The following ADGRV1 variants were observed in gnomAD, a reference collection of about 807,000 sequenced individuals.
ADGRV1 encodes the protein G-protein coupled receptor 98.
A neutral mutation model predicts 596.2 loss-of-function variants in ADGRV1; 359 were observed. The ratio of observed to expected loss-of-function variants is 0.60; its 90% confidence interval spans 0.55 to 0.66. The LOEUF is 0.66. Ranked by LOEUF, ADGRV1 falls within the 30% of genes least tolerant of loss-of-function variation. The pLI, the probability that ADGRV1 is intolerant of heterozygous loss-of-function variation, is 0.00. For missense variants in ADGRV1, 7,274 were observed against 7,575.6 expected (o/e 0.96, Z 1.48); for synonymous variants, 2,681 against 2,679.2 (o/e 1.00, Z -0.02).
chr5:91,095,598 A>G (rs535469819), intron 86 of ADGRV1, among the ~76,000 whole-genome samples: 1 of 152,254 alleles, frequency 6.6e-6, no homozygotes, highest in African/African-American at 2.4e-5. Context: ...CAAGGACACC[A>G]ATATTTTCTC....
rs1581250709 is a variant in ADGRV1 at position 90,828,932 on chromosome 5, TCTCA to T, written c.16369-11_16369-8del. 4 of 1,528,934 alleles carry T rather than the reference TCTCA, an allele frequency of 2.6e-6. No individual in the cohort carries two copies. The highest frequency in any genetic ancestry group is 3.5e-6 in the Non-Finnish European group (4 of 1,134,954). The allele number at this position is 1,528,934 out of a possible 1,614,324, so 94.7% of individuals were successfully genotyped here. A position where few individuals can be genotyped will look rare whatever the true frequency, so the allele number is the denominator to read the frequency against. Reference sequence around the variant, plus strand: ...GTAATAGTTGTTTTTTTTTCCTTTTTCTCATTGTCAGGTACCACAGGTTGAAGTG... The same window carrying T: ...GTAATAGTTGTTTTTTTTTCCTTTTTTTGTCAGGTACCACAGGTTGAAGTG... On this transcript the variant is annotated splice_polypyrimidine_tract_variant and splice_region_variant and intron_variant, in intron 76 of 89. Transcript: ENST00000405460.
intron 83 of ADGRV1, among the ~76,000 whole-genome samples, chr5:90,911,024 C>T (rs1341282203): frequency 6.6e-6 from 1 of 152,078 alleles, no homozygotes; most frequent in East Asian, 1.9e-4. Context: ...ATTGTATTAG[C>T]TAAGTAGTAG....
At chr5:91,086,459 G>C (rs924214869) in intron 86 of ADGRV1, among the ~76,000 whole-genome samples, 1 of 151,898 alleles carries the variant, frequency 6.6e-6, no homozygotes, top group African/African-American at 2.4e-5. Context: ...TAAAAGCTAG[G>C]GTAATTTCTT....
chr5:91,049,865 G>T (rs554801154), intron 85 of ADGRV1, among the ~76,000 whole-genome samples: 1 of 152,164 alleles, frequency 6.6e-6, no homozygotes, highest in African/African-American at 2.4e-5. Context: ...TTAGATTTTG[G>T]TATCTGCAGG....
At chr5:91,102,082 G>A (rs938601674) in intron 86 of ADGRV1, 137 bp from the exon 87 acceptor site, 10 of 754,270 alleles carry the variant, frequency 1.3e-5, no homozygotes, top group Non-Finnish European at 2.1e-5. Flanking sequence ...CTCCCCTCTG[G>A]CATAAGAATG....
chr5:90,934,206 T>C (rs1775488713), intron 83 of ADGRV1, among the ~76,000 whole-genome samples: 1 of 152,204 alleles, frequency 6.6e-6, no homozygotes, highest in African/African-American at 2.4e-5. Context: ...TGTTCTGGCC[T>C]AGCATGGGAA....
intron 83 of ADGRV1, chr5:90,899,200 G>A (rs1161780463): frequency 1.3e-5 from 2 of 152,160 alleles, no homozygotes; most frequent in Admixed American, 6.5e-5. Flanking sequence ...TGTTTGCAAA[G>A]TAAATGAAAC....
At chr5:90,617,606 C>A (rs1187596051) in intron 2 of ADGRV1, 198 bp from the exon 3 acceptor site, 2 of 465,698 alleles carry the variant, frequency 4.3e-6, no homozygotes, top group African/African-American at 2.0e-5. Context: ...CTGCGCCTGG[C>A]CTGGAATCAT....
At chr5:90,968,834 CA>C (rs1406415244) in intron 84 of ADGRV1, among the ~76,000 whole-genome samples, 1 of 152,080 alleles carries the variant, frequency 6.6e-6, no homozygotes, top group African/African-American at 2.4e-5. Context: ...GATTCTACTT[CA>C]TTTTTTTAGT....
At chr5:91,069,461 T>TA (rs757504632) in intron 85 of ADGRV1, among the ~76,000 whole-genome samples, 80 of 152,128 alleles carry the variant, frequency 5.3e-4, no homozygotes, top group Non-Finnish European at 9.9e-4. Context: ...CATGAACAGA[T>TA]ACTTCTCAAA....
intron 83 of ADGRV1, among the ~76,000 whole-genome samples, chr5:90,900,206 A>T (rs904925718): frequency 6.6e-6 from 1 of 152,188 alleles, no homozygotes; most frequent in Non-Finnish European, 1.5e-5. Context: ...AGAAGGGAAT[A>T]AATTTTATGA....
chr5:90,885,900 G>A lies in ADGRV1; in HGVS notation c.17856+22043G>A, dbSNP rs116586801. On this transcript the variant is annotated intron_variant, in intron 83 of 89. Coordinates refer to ENST00000405460, the MANE Select transcript of ADGRV1 (RefSeq NM_032119.4). The stretch of plus-strand genomic sequence containing the variant: ...AGGGAGAGAGGGAGGGAGGAAGAAA[G>A]GAAGGGAGGGAAGGAGGGTGGTGAT... Among the ~76,000 whole-genome samples the A allele has an allele frequency of 7.9e-3, 1,197 of 152,052 alleles. 20 individuals are homozygous for A. Among genetic ancestry groups the A allele is most frequent in the African/African-American group, 0.027 (1,138 of 41,500 alleles).
At chr5:91,054,505 C>T (rs1388886317) in intron 85 of ADGRV1, among the ~76,000 whole-genome samples, 1 of 152,104 alleles carries the variant, frequency 6.6e-6, no homozygotes, top group Non-Finnish European at 1.5e-5. Flanking sequence ...TAACAAAATA[C>T]CATAGACCAG....
chr5:91,011,694 G>A (rs919515981), intron 85 of ADGRV1, among the ~76,000 whole-genome samples: 3 of 151,670 alleles, frequency 2.0e-5, no homozygotes, highest in East Asian at 3.9e-4. Context: ...ATATGTTTAC[G>A]ACATTGCCGG....
intron 16 of ADGRV1, 71 bp from the exon 17 acceptor site, chr5:90,647,427 G>A (rs961844678): frequency 7.4e-6 from 11 of 1,492,188 alleles, no homozygotes; most frequent in African/African-American, 1.4e-5. Flanking sequence ...GCAGGGAGAA[G>A]CACAATGTGA....
intron 34 of ADGRV1, among the ~76,000 whole-genome samples, chr5:90,698,247 A>G (rs1580780247): frequency 6.6e-6 from 1 of 152,220 alleles, no homozygotes; most frequent in South Asian, 2.1e-4. Flanking sequence ...GGAATAGTTA[A>G]TAATAATGAC....
At chr5:90,658,381 C>G (rs1303636332) in intron 21 of ADGRV1, 103 bp downstream of exon 21, 11 of 1,078,234 alleles carry the variant, frequency 1.0e-5, no homozygotes, top group Admixed American at 2.9e-5. Context: ...TGCGCATCTA[C>G]TCCAAGTCCA....
chr5:90,943,340 C>T (rs1776315154), intron 83 of ADGRV1, among the ~76,000 whole-genome samples: 1 of 152,084 alleles, frequency 6.6e-6, no homozygotes, highest in Admixed American at 6.6e-5. Flanking sequence ...GGAATCAAGT[C>T]CCAATTTTGC....
At chr5:90,813,132 C>A (rs1305007266) in intron 74 of ADGRV1, among the ~76,000 whole-genome samples, 20 of 34,918 alleles carry the variant, frequency 5.7e-4, no homozygotes, top group South Asian at 2.0e-3. Flanking sequence ...GACTCCGTCT[C>A]AAAAAAAAAA....
Sources: gnomAD v4.1 joint callset for allele counts (sites outside exome capture counted in the v4.1 genomes callset) on GRCh38, gnomAD v4.1.1 for gene constraint, MANE v1.5 for transcripts, NCBI Gene and HGNC (gene_info 2026-07-23, HGNC 2026-07-21) for gene names.